Variants in SASH1 observed in about 807,000 individuals in gnomAD.
SASH1 encodes the protein SAM and SH3 domain-containing protein 1.
Under a neutral mutation model 125.2 loss-of-function variants are expected in SASH1, and 44 were observed. That is an observed-to-expected ratio of 0.35 (90% CI 0.28 to 0.45). SASH1 has a LOEUF of 0.45. Ranked by LOEUF, SASH1 falls within the 20% of genes least tolerant of loss-of-function variation. SASH1 has a pLI of 1.00. For synonymous variants in SASH1, 639 were observed against 649.1 expected, an observed-to-expected ratio of 0.98 and a Z score of 0.24; for missense variants, 1,426 against 1,614.5, an observed-to-expected ratio of 0.88 and a Z score of 2.00.
chr6:148,274,887 C>A (rs1445968499), intron 1 of SASH1, among the ~76,000 whole-genome samples: 1 of 152,074 alleles, frequency 6.6e-6, no homozygotes. Flanking sequence ...AGTAACAAAC[C>A]CAGCACATCT....
At chr6:148,312,913 C>G (rs988026968) in intron 1 of SASH1, among the ~76,000 whole-genome samples, 2 of 152,032 alleles carry the variant, frequency 1.3e-5, no homozygotes, top group African/African-American at 4.8e-5. Context: ...AGAAAAGCTT[C>G]CTGGGGAGGT....
At chr6:148,254,142 G>A in the SASH1 span, among the ~76,000 whole-genome samples, 1 of 151,798 alleles carries the variant, frequency 6.6e-6, no homozygotes, top group African/African-American at 2.4e-5. Flanking sequence ...GGGAAGTGGA[G>A]GTTGCAGTGA....
intron 1 of SASH1, among the ~76,000 whole-genome samples, chr6:148,297,937 G>T (rs375865498): frequency 1.3e-5 from 2 of 152,012 alleles, no homozygotes; most frequent in African/African-American, 2.4e-5. Flanking sequence ...TAATTTGCAG[G>T]TTTTAAGGGA....
At chr6:148,476,543 G>A (rs182001981) in intron 7 of SASH1, among the ~76,000 whole-genome samples, 7 of 152,086 alleles carry the variant, frequency 4.6e-5, no homozygotes, top group African/African-American at 7.2e-5. Flanking sequence ...TTAGCCAGGC[G>A]TGGTGGCACG....
intron 4 of SASH1, among the ~76,000 whole-genome samples, chr6:148,457,124 GT>G (rs1448411604): frequency 1.3e-5 from 2 of 148,754 alleles, no homozygotes; most frequent in East Asian, 3.9e-4. Flanking sequence ...GAAGGCATTT[GT>G]TTTTACTGGT....
intron 5 of SASH1, 101 bp from the exon 6 acceptor site, chr6:148,471,316 C>A: frequency 2.8e-6 from 2 of 726,658 alleles, no homozygotes; most frequent in Non-Finnish European, 4.5e-6. Context: ...AGTATTCCTA[C>A]CAGCTTTGAA....
chr6:148,344,818 C>T (rs1234208070), intron 1 of SASH1, among the ~76,000 whole-genome samples: 5 of 150,980 alleles, frequency 3.3e-5, no homozygotes, highest in Admixed American at 6.6e-5. Flanking sequence ...TGCAGTGGCA[C>T]GAGCTCAGCT....
intron 2 of SASH1, among the ~76,000 whole-genome samples, chr6:148,433,468 G>A (rs1185748367): frequency 3.4e-5 from 5 of 146,870 alleles, no homozygotes; most frequent in Non-Finnish European, 7.4e-5. Flanking sequence ...GTGCAGTGGC[G>A]TGATCTCTGC....
chr6:148,219,453 CTA>C, the SASH1 span, among the ~76,000 whole-genome samples: 2 of 152,164 alleles, frequency 1.3e-5, no homozygotes, highest in Admixed American at 6.5e-5. Context: ...TCTTCTGACG[CTA>C]TGATGATTCC....
rs1358516206 is a variant in SASH1 at position 148,518,641 on chromosome 6, C to G, written c.863-906C>G. On this transcript the variant is annotated intron_variant, in intron 9 of 19. Transcript: ENST00000367467. ...TCAGCGGGTGGAAAGCTGCAGAGCT[C>G]AAAGTTTCCCTATAATTAAAGGGAC... Among the ~76,000 whole-genome samples, 5 of 152,268 alleles carry G rather than the reference C, an allele frequency of 3.3e-5. No homozygotes were observed. In the South Asian group the frequency reaches 1.0e-3, roughly 32 times the overall value.
chr6:148,416,519 G>A (rs1018543823), intron 2 of SASH1, among the ~76,000 whole-genome samples: 23 of 152,086 alleles, frequency 1.5e-4, no homozygotes, highest in African/African-American at 5.3e-4. Flanking sequence ...GATCCTGGAC[G>A]ACATGTGTGC....
the SASH1 span, among the ~76,000 whole-genome samples, chr6:148,230,349 C>CT: frequency 2.8e-4 from 42 of 147,488 alleles, no homozygotes; most frequent in Admixed American, 8.1e-4. Flanking sequence ...TTTTTCTTTT[C>CT]TTTTTTTTTT....
At chr6:148,252,201 G>A in the SASH1 span, among the ~76,000 whole-genome samples, 1 of 151,976 alleles carries the variant, frequency 6.6e-6, no homozygotes, top group Non-Finnish European at 1.5e-5. Context: ...ATCCCTAGTG[G>A]AATTCTCAGT....
chr6:148,418,461 C>T (rs925341009), intron 2 of SASH1, among the ~76,000 whole-genome samples: 2 of 152,206 alleles, frequency 1.3e-5, no homozygotes, highest in Admixed American at 1.3e-4. Flanking sequence ...GTTGAACATA[C>T]TGTCTTTCTC....
chr6:148,387,077 C>CTCTTTCTTTCT (rs1783400730), intron 1 of SASH1, among the ~76,000 whole-genome samples: 3 of 118,458 alleles, frequency 2.5e-5, no homozygotes, highest in East Asian at 2.0e-4. Flanking sequence ...CTTTCTCCCT[C>CTCTTTCTTTCT]TGTCTCTCTC....
At chr6:148,269,147 G>C (rs908312670), upstream of SASH1, among the ~76,000 whole-genome samples, 1 of 152,116 alleles carries the variant, frequency 6.6e-6, no homozygotes, top group African/African-American at 2.4e-5. Context: ...TTTGGAAAAA[G>C]TCCTTATCAT....
chr6:148,484,674 C>T (rs1156504800), intron 7 of SASH1, among the ~76,000 whole-genome samples: 1 of 151,808 alleles, frequency 6.6e-6, no homozygotes, highest in East Asian at 1.9e-4. Flanking sequence ...GGTGCGGCGG[C>T]TCACACCTCT....
chr6:148,440,539 T>C (rs988429011), intron 4 of SASH1, 132 bp downstream of exon 4: 7 of 742,662 alleles, frequency 9.4e-6, no homozygotes, highest in African/African-American at 1.7e-5. Flanking sequence ...CCTTAACATG[T>C]TGCATGCATG....
At chr6:148,420,476 G>A (rs4897011) in intron 2 of SASH1, among the ~76,000 whole-genome samples, 99,815 of 151,904 alleles carry the variant, frequency 0.66, 32,915 homozygotes, top group South Asian at 0.77. Flanking sequence ...TAAGTGCCAG[G>A]CACTCTGCTG....
Sources: allele counts gnomAD v4.1 joint callset (sites outside exome capture counted in the v4.1 genomes callset), GRCh38; gene constraint gnomAD v4.1.1; transcripts MANE v1.5; gene names NCBI Gene and HGNC (gene_info 2026-07-23, HGNC 2026-07-21).